The following CCZ1 variants were observed in gnomAD, a reference collection of about 807,000 sequenced individuals.
CCZ1 encodes CCZ1 vacuolar protein trafficking and biogenesis associated, also known as vacuolar fusion protein CCZ1 homolog.
In CCZ1, 19 loss-of-function variants were observed where a neutral mutation model predicts 57.8. That is an observed-to-expected ratio of 0.33 (90% CI 0.23 to 0.48). The LOEUF (loss-of-function observed/expected upper bound fraction) is 0.48. Ranked by LOEUF, CCZ1 falls within the 20% of genes least tolerant of loss-of-function variation. The pLI is 0.99. For synonymous variants in CCZ1, 81 were observed against 167.0 expected (o/e 0.49, Z 3.97); for missense variants, 200 against 492.0 (o/e 0.41, Z 5.61).
At chr7:5,900,806 C>A (rs769110518) in intron 3 of CCZ1, 49 bp from the exon 4 acceptor site, 51 of 1,537,026 alleles carry the variant, frequency 3.3e-5, no homozygotes, top group Non-Finnish European at 4.1e-5. Context: ...GCAAAATAAA[C>A]ATGGTCTAAT....
chr7:5,913,422 G>C (rs1490024911), intron 10 of CCZ1, among the ~76,000 whole-genome samples: 1 of 150,232 alleles, frequency 6.7e-6, no homozygotes, highest in South Asian at 2.1e-4. Flanking sequence ...GGCAGTTTTT[G>C]ATTCAAGAAA....
chr7:5,913,468 C>A (rs1384869450), intron 10 of CCZ1, among the ~76,000 whole-genome samples: 1 of 151,620 alleles, frequency 6.6e-6, no homozygotes, highest in Non-Finnish European at 1.5e-5. Context: ...CTCCTCTTTC[C>A]TGCCTGAGGC....
At chr7:5,901,848 A>G in intron 5 of CCZ1, 144 bp downstream of exon 5, 2 of 674,142 alleles carry the variant, frequency 3.0e-6, no homozygotes, top group Non-Finnish European at 2.4e-6. Context: ...GGCCTTTGAA[A>G]CAGGTAGTGA....
At chr7:5,907,751 C>T (rs1173985257) in intron 7 of CCZ1, among the ~76,000 whole-genome samples, 2 of 134,220 alleles carry the variant, frequency 1.5e-5, no homozygotes, top group African/African-American at 2.9e-5. Flanking sequence ...TCTGTTGTCA[C>T]CTCCAGTGTG....
Position 5,906,320 on chromosome 7 carries a change from TTTC to T in CCZ1, c.698+1054_698+1056del, listed in dbSNP as rs1376181217. Among the ~76,000 whole-genome samples the T allele has an allele frequency of 9.7e-5, 11 of 113,288 alleles. 1 individual carries two copies. In the East Asian group the frequency reaches 2.1e-3, roughly 21 times the overall value. The allele number at this position is 113,288 out of a possible 152,430, so 74.3% of individuals were successfully genotyped here. A position where few individuals can be genotyped will look rare whatever the true frequency, so the allele number is the denominator to read the frequency against. On this transcript the variant is annotated intron_variant, in intron 7 of 14. Coordinates refer to ENST00000325974, the MANE Select transcript of CCZ1 (RefSeq NM_015622.6). ...CGTTGACTAGAGCCCACTTTCTTTC[TTTC>T]TTTTTTTTTTTTTTTTTTGAGACGG...
chr7:5,903,248 A>C (rs1260505065), intron 6 of CCZ1, among the ~76,000 whole-genome samples: 1 of 144,928 alleles, frequency 6.9e-6, no homozygotes, highest in Non-Finnish European at 1.5e-5. Context: ...GTTGTAATTG[A>C]ATTTTGCATG....
chr7:5,903,995 G>A (rs1249783273), intron 6 of CCZ1, among the ~76,000 whole-genome samples: 10 of 61,790 alleles, frequency 1.6e-4, no homozygotes, highest in South Asian at 5.3e-4. Context: ...CTCCATCTCG[G>A]GGGGGGAAAT....
intron 8 of CCZ1, 126 bp downstream of exon 8, chr7:5,910,242 T>C (rs1265698935): frequency 5.9e-6 from 5 of 854,398 alleles, no homozygotes; most frequent in Middle Eastern, 2.2e-4. Context: ...TACTGTGATA[T>C]TTGTGTCACT....
In CCZ1 at chr7:5,910,719, TTTA is replaced by T. The variant is rs1781953926; in HGVS notation, c.780+606_780+608del. Reference sequence around the variant, plus strand: ...TTATGTATTTTATTTTATTTATTTATTTATTTATTTATTTATTTATTTATTTAT... The same window carrying T: ...TTATGTATTTTATTTTATTTATTTATTTTATTTATTTATTTATTTATTTAT... On this transcript the variant is annotated intron_variant, in intron 8 of 14. Transcript: ENST00000325974. Among the ~76,000 whole-genome samples, 31 of 91,408 alleles carry T rather than the reference TTTA, an allele frequency of 3.4e-4. 2 individuals are homozygous for T. The highest frequency in any genetic ancestry group is 4.7e-4 in the African/African-American group (11 of 23,468). 60.0% of individuals were successfully genotyped at this position (91,408 alleles called of 152,430 possible).
chr7:5,909,491 C>T (rs1163137395), intron 7 of CCZ1, among the ~76,000 whole-genome samples: 1 of 148,856 alleles, frequency 6.7e-6, no homozygotes, highest in Admixed American at 6.8e-5. Flanking sequence ...TGCTTGAGTC[C>T]AGCAGTTCGA....
chr7:5,926,205 CTGG>C lies in CCZ1; in HGVS notation c.*520_*522del, dbSNP rs1779386683. 1.9e-6 allele frequency: 1 copy of C among 517,522 alleles called. No homozygotes were observed. Among genetic ancestry groups the C allele is most frequent in the African/African-American group, 2.1e-5 (1 of 47,576 alleles). 32.1% of individuals were successfully genotyped at this position (517,522 alleles called of 1,614,324 possible). On this transcript the variant is annotated 3_prime_UTR_variant, in exon 15 of 15. Coordinates refer to ENST00000325974, the MANE Select transcript of CCZ1 (RefSeq NM_015622.6). Reference sequence around the variant, plus strand: ...GGGGGGTCTCACTATGTTGCCCAGGCTGGTCTCGAACTCCCGTAATCCAGCCAT... The same window carrying C: ...GGGGGGTCTCACTATGTTGCCCAGGCTCTCGAACTCCCGTAATCCAGCCAT...
At chr7:5,912,071 C>T (rs1219803851) in intron 9 of CCZ1, 149 bp downstream of exon 9, 109 of 1,537,538 alleles carry the variant, frequency 7.1e-5, no homozygotes, top group Non-Finnish European at 9.1e-5. Context: ...TGTCATGCCT[C>T]AGCCTCCCAA....
rs866168279 is a variant in CCZ1, at chr7:5,911,481, G to C, written c.781-380G>C. On this transcript the variant is annotated intron_variant, in intron 8 of 14. Transcript: ENST00000325974. ...CCACACCTGGCTAATTTTTTGTAGA[G>C]ATGGGATCTCGTCATGTTGCCCAGG... Among the ~76,000 whole-genome samples the C allele has an allele frequency of 7.4e-5, 11 of 148,834 alleles. 2 individuals are homozygous for C. The highest frequency in any genetic ancestry group is 6.8e-3 in the Middle Eastern group (2 of 292).
rs752448641 is a variant in CCZ1 at position 5,926,344 on chromosome 7, CTG to C, written c.*667_*668del. ...TCTTACAGCACGTGCCATCCTAAGC[CTG>C]TGTGTGTGTCCTCGTGTCTCTCTAC... is the stretch of plus-strand genomic sequence containing the variant. On this transcript the variant is annotated 3_prime_UTR_variant, in exon 15 of 15. Transcript: ENST00000325974. 4.3e-5 allele frequency: 54 copies of C among 1,258,942 alleles called. No homozygotes were observed. The highest frequency in any genetic ancestry group is 3.5e-4 in the Admixed American group (18 of 51,760). The allele number at this position is 1,258,942 out of a possible 1,614,324, so 78.0% of individuals were successfully genotyped here.
intron 12 of CCZ1, among the ~76,000 whole-genome samples, 177 bp from the exon 13 acceptor site, chr7:5,923,210 A>ATTG (rs1779283796): frequency 1.3e-5 from 1 of 78,240 alleles, no homozygotes; most frequent in Non-Finnish European, 2.5e-5. Flanking sequence ...CCAGCTACTC[A>ATTG]GGAGGCTGAG....
intron 14 of CCZ1, 64 bp from the exon 15 acceptor site, chr7:5,925,568 T>G: frequency 6.2e-7 from 1 of 1,606,930 alleles, no homozygotes; most frequent in Admixed American, 1.7e-5. Context: ...AGAATTTAAT[T>G]ATATATCATG....
intron 7 of CCZ1, among the ~76,000 whole-genome samples, chr7:5,907,940 GAAAA>G (rs11325816): frequency 1.5e-5 from 2 of 137,226 alleles, no homozygotes; most frequent in African/African-American, 5.5e-5. Flanking sequence ...ACAAAAAATG[GAAAA>G]AAAAAAAAAT....
Position 5,901,646 on chromosome 7 carries a change from C to T in CCZ1, c.391-11C>T, listed in dbSNP as rs545486224. On this transcript the variant is annotated splice_polypyrimidine_tract_variant and intron_variant, in intron 4 of 14. Coordinates refer to ENST00000325974, the MANE Select transcript of CCZ1 (RefSeq NM_015622.6). ...TGAACTGAGCTGTGTGCTGTGTTTTCGCGTCTGCAGGACAAGGTTTATAGC... is the reference window on the plus strand; with the variant it reads ...TGAACTGAGCTGTGTGCTGTGTTTTTGCGTCTGCAGGACAAGGTTTATAGC... 2.4e-4 allele frequency: 387 copies of T among 1,594,632 alleles called. 66 individuals carry two copies. In the East Asian group the frequency reaches 7.8e-3, roughly 32 times the overall value.
intron 7 of CCZ1, among the ~76,000 whole-genome samples, chr7:5,908,569 G>A (rs1266100046): frequency 1.4e-5 from 2 of 147,394 alleles, no homozygotes; most frequent in Non-Finnish European, 1.5e-5. Flanking sequence ...TAGTAGAGAC[G>A]GTGTTTCGCC....
Sources: allele counts gnomAD v4.1 joint callset (sites outside exome capture counted in the v4.1 genomes callset), GRCh38; gene constraint gnomAD v4.1.1; transcripts MANE v1.5; gene names NCBI Gene and HGNC (gene_info 2026-07-23, HGNC 2026-07-21).